SPRY3: variants seen among roughly 807,000 people sequenced by gnomAD.
SPRY3 encodes protein sprouty homolog 3.
A neutral mutation model predicts 20.2 loss-of-function variants in SPRY3; 15 were observed. That is an observed-to-expected ratio of 0.74 (90% CI 0.50 to 1.14). The LOEUF (loss-of-function observed/expected upper bound fraction) is 1.14, where lower values mean the gene tolerates loss of function less well. SPRY3 is among the 50% of genes most tolerant of loss of function. The pLI is 0.00. For synonymous variants in SPRY3, 143 were observed against 136.5 expected, an observed-to-expected ratio of 1.05 and a Z score of -0.33; for missense variants, 364 against 363.9, an observed-to-expected ratio of 1.00 and a Z score of 0.00.
chrX:155,639,870 C>T (rs957815627), intron 1 of SPRY3, among the ~76,000 whole-genome samples: 1 of 112,044 alleles, frequency 8.9e-6, no homozygotes, highest in Non-Finnish European at 1.9e-5. Context: ...TCCTCACTAA[C>T]ATTTGTTATC....
At chrX:155,767,508 G>T (rs1004610186) in intron 2 of SPRY3, among the ~76,000 whole-genome samples, 2 of 151,670 alleles carry the variant, frequency 1.3e-5, no homozygotes, top group African/African-American at 4.9e-5. Context: ...TCATCTGTCA[G>T]ATTGGAGGAG....
At chrX:155,742,263 T>C (rs1024981189) in intron 2 of SPRY3, among the ~76,000 whole-genome samples, 3 of 152,110 alleles carry the variant, frequency 2.0e-5, no homozygotes, top group African/African-American at 7.2e-5. Context: ...TACATAATGG[T>C]AAAGAGTTCA....
At chrX:155,767,133 G>A (rs754084854) in intron 2 of SPRY3, among the ~76,000 whole-genome samples, 1 of 152,190 alleles carries the variant, frequency 6.6e-6, no homozygotes, top group South Asian at 2.1e-4. Flanking sequence ...GATTCCTATG[G>A]GGAGTTTTAA....
intron 2 of SPRY3, among the ~76,000 whole-genome samples, chrX:155,657,858 G>A (rs2067997019): frequency 8.9e-6 from 1 of 112,248 alleles, no homozygotes; most frequent in South Asian, 3.7e-4. Flanking sequence ...CTAGGGGAGG[G>A]AGTTCCCCAA....
chrX:155,632,567 T>C (rs2067910145), intron 1 of SPRY3, among the ~76,000 whole-genome samples: 2 of 110,937 alleles, frequency 1.8e-5, no homozygotes, highest in Admixed American at 9.6e-5. Flanking sequence ...CTATTCCCCA[T>C]TGTTTTCTCA....
chrX:155,613,147 T>C (rs2067836879), intron 1 of SPRY3, among the ~76,000 whole-genome samples: 1 of 112,063 alleles, frequency 8.9e-6, no homozygotes, highest in Admixed American at 9.4e-5. Context: ...CTATAAAACC[T>C]GGGTCCCCTG....
intron 2 of SPRY3, among the ~76,000 whole-genome samples, chrX:155,766,236 C>G (rs946714912): frequency 1.3e-5 from 2 of 152,150 alleles, no homozygotes; most frequent in East Asian, 1.9e-4. Flanking sequence ...AGCATGCAGA[C>G]CCACACAGCC....
Position 155,655,336 on chromosome X carries a change from T to C in SPRY3, c.-440-1531T>C, listed in dbSNP as rs986532657. ...GGTTTTCTGTTTACTCTGCTGATTC[T>C]TTTGCTGTGCAGAAGCTTTTTAGTT... On this transcript the variant is annotated intron_variant, in intron 1 of 3. Transcript: ENST00000675360. Among the ~76,000 whole-genome samples the C allele has an allele frequency of 6.3e-5, 7 of 111,785 alleles. No homozygotes were observed. The Admixed American group carries it at 6.7e-4, about 11-fold the overall frequency.
At position 155,773,759 on chromosome X, in the gene SPRY3, C is replaced by A. The variant is rs2091399225; in HGVS notation, c.-106-7C>A. ...CTCATTTACTGTTTTTATGCCTTCT[C>A]TCCTAGGATTTTCTCATGTGCCCTG... is the stretch of plus-strand genomic sequence containing the variant. On this transcript the variant is annotated splice_polypyrimidine_tract_variant and splice_region_variant and intron_variant, in intron 3 of 3. Transcript: ENST00000675360. 3 of 1,283,712 alleles carry A rather than the reference C, an allele frequency of 2.3e-6. No homozygotes were observed. Among genetic ancestry groups the A allele is most frequent in the South Asian group, 1.4e-5 (1 of 70,326 alleles). 79.5% of individuals were successfully genotyped at this position (1,283,712 alleles called of 1,614,324 possible). A position where few individuals can be genotyped will look rare whatever the true frequency, so the allele number is the denominator to read the frequency against.
chrX:155,618,507 T>C, intron 1 of SPRY3, among the ~76,000 whole-genome samples: 1 of 111,796 alleles, frequency 8.9e-6, no homozygotes, highest in Non-Finnish European at 1.9e-5. Flanking sequence ...ATGTGTTTTT[T>C]TTGGGAATAC....
At chrX:155,734,368 C>T (rs1706409828) in intron 2 of SPRY3, among the ~76,000 whole-genome samples, 1 of 151,928 alleles carries the variant, frequency 6.6e-6, no homozygotes, top group Non-Finnish European at 1.5e-5. Flanking sequence ...GCAGTCAGAA[C>T]ACACACAACA....
intron 2 of SPRY3, among the ~76,000 whole-genome samples, chrX:155,685,130 T>C (rs2068083805): frequency 8.9e-6 from 1 of 112,174 alleles, no homozygotes; most frequent in Admixed American, 9.4e-5. Flanking sequence ...TAGATTTGTC[T>C]TTGTCAAACT....
chrX:155,686,807 G>A (rs1414557239), intron 2 of SPRY3, among the ~76,000 whole-genome samples: 1 of 112,156 alleles, frequency 8.9e-6, no homozygotes, highest in Non-Finnish European at 1.9e-5. Context: ...TTCTCTCAGA[G>A]TTTTGGCTCC....
intron 2 of SPRY3, among the ~76,000 whole-genome samples, chrX:155,739,349 GT>G (rs2091190274): frequency 6.6e-6 from 1 of 152,166 alleles, no homozygotes; most frequent in African/African-American, 2.4e-5. Flanking sequence ...GGCAACCACT[GT>G]CTCTGCAGTT....
At chrX:155,776,386 A>G in exon 4 of SPRY3, 2 of 167,222 alleles carry the variant, frequency 1.2e-5, no homozygotes. Flanking sequence ...CTGCCTGAGA[A>G]CTTAAATTTC....
At chrX:155,680,697 C>T (rs996129723) in intron 2 of SPRY3, among the ~76,000 whole-genome samples, 1 of 111,662 alleles carries the variant, frequency 9.0e-6, no homozygotes, top group African/African-American at 3.3e-5. Flanking sequence ...TTCATAGATA[C>T]TGCATTTTTT....
At chrX:155,740,593 G>A (rs1013958665) in intron 2 of SPRY3, among the ~76,000 whole-genome samples, 6 of 152,042 alleles carry the variant, frequency 3.9e-5, no homozygotes, top group Admixed American at 6.6e-5. Flanking sequence ...GGCTTACTAC[G>A]GTGGGGAAAA....
chrX:155,634,216 A>G (rs1557350783), intron 1 of SPRY3, among the ~76,000 whole-genome samples: 1 of 111,383 alleles, frequency 9.0e-6, no homozygotes, highest in East Asian at 2.8e-4. Context: ...AAGATAGGAG[A>G]GGAACACTTG....
rs186748274 is a variant in SPRY3 at position 155,769,606 on chromosome X, G to C, written c.-107+1470G>C. On this transcript the variant is annotated intron_variant, in intron 3 of 3. Transcript: ENST00000675360. ...CTTCTTACAATTTTCCTCAGGATTA[G>C]ATGTGAATTCATTTGGTATTACAAA... Among the ~76,000 whole-genome samples the C allele has an allele frequency of 3.1e-4, 47 of 152,224 alleles. No homozygotes were observed. In the East Asian group the frequency reaches 8.5e-3, roughly 27 times the overall value.
Sources: gnomAD v4.1 joint callset for allele counts (sites outside exome capture counted in the v4.1 genomes callset) on GRCh38, gnomAD v4.1.1 for gene constraint, MANE v1.5 for transcripts, NCBI Gene and HGNC (gene_info 2026-07-23, HGNC 2026-07-21) for gene names.